HS2ST1: variants seen among roughly 807,000 people sequenced by gnomAD.
The protein encoded by HS2ST1 is 2-O-sulfotransferase.
In HS2ST1, 18 loss-of-function variants were observed where a neutral mutation model predicts 42.9. That is an observed-to-expected ratio of 0.42 (90% CI 0.29 to 0.62). The LOEUF is 0.62. Among genes scored for constraint, HS2ST1 ranks in the 20% least tolerant of loss-of-function variants. The pLI is 0.21. For synonymous variants in HS2ST1, 146 were observed against 152.9 expected (o/e 0.95, Z 0.33); for missense variants, 334 against 433.8 (o/e 0.77, Z 2.04).
rs969391515 is a variant in HS2ST1, at chr1:87,103,594, A to G, written c.844+5A>G. ...CTACTGAACTCTATCGCACAGGTAT[A>G]TAAAGGAAGGGTTTCTTTTTAAAGC... On this transcript the variant is annotated splice_donor_5th_base_variant and intron_variant, in intron 6 of 6. Transcript: ENST00000370550. 9 of 1,553,922 alleles carry G rather than the reference A, an allele frequency of 5.8e-6. 1 individual carries two copies. Among genetic ancestry groups the G allele is most frequent in the Non-Finnish European group, 7.8e-6 (9 of 1,155,990 alleles).
chr1:86,929,060 T>C (rs1660479899), intron 1 of HS2ST1, among the ~76,000 whole-genome samples: 1 of 151,948 alleles, frequency 6.6e-6, no homozygotes, highest in Non-Finnish European at 1.5e-5. Context: ...ACTGTGTGTT[T>C]ATAAGTGTTT....
At chr1:87,075,161 C>CTTTTTTTT (rs34812948) in intron 2 of HS2ST1, among the ~76,000 whole-genome samples, 3 of 48,596 alleles carry the variant, frequency 6.2e-5, no homozygotes, top group Non-Finnish European at 3.6e-5. Context: ...TCTCAGCTAC[C>CTTTTTTTT]TTTTTTTTTT....
At chr1:87,091,858 C>G (rs1651953025) in intron 3 of HS2ST1, among the ~76,000 whole-genome samples, 2 of 152,014 alleles carry the variant, frequency 1.3e-5, no homozygotes, top group Admixed American at 1.3e-4. Flanking sequence ...TCCATCAACT[C>G]TTTATCATTC....
chr1:86,992,792 G>A (rs924047889), intron 1 of HS2ST1, among the ~76,000 whole-genome samples: 6 of 152,188 alleles, frequency 3.9e-5, no homozygotes, highest in Non-Finnish European at 4.4e-5. Context: ...TTTAGTTAAC[G>A]TAAGTTTTAT....
chr1:86,980,215 A>G (rs540072602), intron 1 of HS2ST1, among the ~76,000 whole-genome samples: 2 of 152,338 alleles, frequency 1.3e-5, no homozygotes, highest in Non-Finnish European at 2.9e-5. Context: ...GCTTTGAGGG[A>G]ACTTGCATTG....
chr1:86,916,237 A>G (rs1660155200), intron 1 of HS2ST1, among the ~76,000 whole-genome samples: 1 of 152,208 alleles, frequency 6.6e-6, no homozygotes, highest in Non-Finnish European at 1.5e-5. Flanking sequence ...AAGAGGATGT[A>G]ATTTGAATAT....
chr1:87,046,250 G>T, intron 1 of HS2ST1: 1 of 796,254 alleles, frequency 1.3e-6, no homozygotes, highest in South Asian at 1.3e-5. Flanking sequence ...AAGAGGGTGT[G>T]ACCAAGTGTT....
At chr1:86,943,634 A>T (rs1300742496) in intron 1 of HS2ST1, among the ~76,000 whole-genome samples, 1 of 151,786 alleles carries the variant, frequency 6.6e-6, no homozygotes, top group Non-Finnish European at 1.5e-5. Flanking sequence ...AAGTGGGAGG[A>T]TCTGAGCCCT....
At position 87,107,212 on chromosome 1, in the gene HS2ST1, CCTAA is replaced by C. The variant is rs1168907913; in HGVS notation, c.*2519_*2522del. 2 of 152,004 alleles carry C rather than the reference CCTAA, an allele frequency of 1.3e-5. No individual in the cohort carries two copies. Among genetic ancestry groups the C allele is most frequent in the African/African-American group, 4.8e-5 (2 of 41,420 alleles). The allele number at this position is 152,004 out of a possible 1,614,324, so 9.4% of individuals were successfully genotyped here. ...AAGAGTTTATATACTTCTAAAAGCT[CCTAA>C]CTTATATCCAAAGAATTGCTTTCTG... is the stretch of plus-strand genomic sequence containing the variant. On this transcript the variant is annotated 3_prime_UTR_variant, in exon 7 of 7. Coordinates refer to ENST00000370550, the MANE Select transcript of HS2ST1 (RefSeq NM_012262.4).
rs1367117415 is a variant in HS2ST1, at chr1:87,106,038, G to A, written c.*1342G>A. ...TACCTACCTCACAGGGCTGTTGTGA[G>A]GATTAAATGAGATGGCATGTGAAAG... On this transcript the variant is annotated 3_prime_UTR_variant, in exon 7 of 7. Transcript: ENST00000370550. The A allele has an allele frequency of 6.6e-6, 1 of 152,424 alleles. No individual in the cohort carries two copies. Among genetic ancestry groups the A allele is most frequent in the Non-Finnish European group, 1.5e-5 (1 of 67,928 alleles). 9.4% of individuals were successfully genotyped at this position (152,424 alleles called of 1,614,324 possible).
intron 1 of HS2ST1, among the ~76,000 whole-genome samples, chr1:86,930,128 G>T (rs975088862): frequency 1.3e-5 from 2 of 151,652 alleles, no homozygotes; most frequent in East Asian, 1.9e-4. Context: ...TTTTTTTCAG[G>T]AATTATAGCA....
intron 1 of HS2ST1, among the ~76,000 whole-genome samples, chr1:86,953,027 G>C (rs1007659588): frequency 4.6e-5 from 7 of 152,204 alleles, no homozygotes; most frequent in Non-Finnish European, 8.8e-5. Flanking sequence ...AAAATCTATA[G>C]TTTATTGTAG....
Position 86,915,123 on chromosome 1 carries a change from C to G in HS2ST1, c.87C>G (p.Asn29Lys). The G allele has an allele frequency of 6.2e-7, 1 of 1,614,118 alleles. No homozygotes were observed. Among genetic ancestry groups the G allele is most frequent in the Non-Finnish European group, 8.5e-7 (1 of 1,179,984 alleles). ...CGGTGGCGATGCTCTTCTTGGAAAA[C>G]CAGATCCAGAAACTGGAGGAGTCCC... is the stretch of plus-strand genomic sequence containing the variant. ...AFAVAMLFLE[N>K]QIQKLEESRS... Residue 29 changes from asparagine (N) to lysine (K), a missense_variant, in exon 1 of 7, where the codon AAC (asparagine) becomes AAG (lysine). By Grantham distance (94) the Asn-to-Lys change is moderately conservative (BLOSUM62 0). Coordinates refer to ENST00000370550, the MANE Select transcript of HS2ST1 (RefSeq NM_012262.4).
At position 87,062,952 on chromosome 1, in the gene HS2ST1, A is replaced by G. The variant is rs563892773; in HGVS notation, c.125-9982A>G. ...AAGACTTTTTTTGTCTTTTGTTTTC[A>G]GAAGTTTGATTATGATATGTCTTGA... On this transcript the variant is annotated intron_variant, in intron 1 of 6. Coordinates refer to ENST00000370550, the MANE Select transcript of HS2ST1 (RefSeq NM_012262.4). Among the ~76,000 whole-genome samples the G allele has an allele frequency of 1.2e-3, 182 of 152,212 alleles. 1 individual carries two copies. Among genetic ancestry groups the G allele is most frequent in the African/African-American group, 4.1e-3 (171 of 41,532 alleles).
At chr1:86,969,765 G>A (rs1648175384) in intron 1 of HS2ST1, among the ~76,000 whole-genome samples, 2 of 151,654 alleles carry the variant, frequency 1.3e-5, no homozygotes, top group Admixed American at 1.3e-4. Flanking sequence ...TTAAGAGTTG[G>A]CTTTTTACTT....
At chr1:87,091,007 T>C (rs1200563723) in intron 3 of HS2ST1, among the ~76,000 whole-genome samples, 7 of 152,020 alleles carry the variant, frequency 4.6e-5, no homozygotes, top group Admixed American at 4.6e-4. Context: ...GCACTCCTTA[T>C]TCCCTTTCAC....
Position 86,963,819 on chromosome 1 carries a change from G to A in HS2ST1, c.124+48659G>A, listed in dbSNP as rs540111235. On this transcript the variant is annotated intron_variant, in intron 1 of 6. Coordinates refer to ENST00000370550, the MANE Select transcript of HS2ST1 (RefSeq NM_012262.4). Reference sequence around the variant, plus strand: ...CCCCACCTCCCCCCCTGGACGGGGCGGCTGGCCGGGCGGGGGCTGCCCCCC... The same window carrying A: ...CCCCACCTCCCCCCCTGGACGGGGCAGCTGGCCGGGCGGGGGCTGCCCCCC... Among the ~76,000 whole-genome samples the A allele has an allele frequency of 3.6e-3, 536 of 147,496 alleles. 5 individuals are homozygous for A. Among genetic ancestry groups the A allele is most frequent in the Non-Finnish European group, 3.0e-3 (201 of 66,384 alleles).
chr1:86,992,337 T>A (rs79939391), intron 1 of HS2ST1, among the ~76,000 whole-genome samples: 2,119 of 151,888 alleles, frequency 0.014, 55 homozygotes, highest in African/African-American at 0.049. Context: ...TTACTTGGAG[T>A]TTGTAACACT....
chr1:86,966,727 C>T (rs1297879758), intron 1 of HS2ST1, among the ~76,000 whole-genome samples: 2 of 152,174 alleles, frequency 1.3e-5, no homozygotes, highest in Admixed American at 6.5e-5. Context: ...ATTACCAGCA[C>T]ATGCTACCAT....
Sources: allele counts gnomAD v4.1 joint callset (sites outside exome capture counted in the v4.1 genomes callset), GRCh38; gene constraint gnomAD v4.1.1; transcripts MANE v1.5; gene names NCBI Gene and HGNC (gene_info 2026-07-23, HGNC 2026-07-21).